The following TYW1 variants were observed in gnomAD, a reference collection of about 807,000 sequenced individuals.
TYW1 encodes the protein tRNA-yW synthesizing protein 1 homolog.
TYW1 carries 46 observed loss-of-function variants against 96.2 expected under a neutral mutation model. That is an observed-to-expected ratio of 0.48 (90% CI 0.38 to 0.61). The LOEUF is 0.61. Among genes scored for constraint, TYW1 ranks in the 20% least tolerant of loss-of-function variants. TYW1 has a pLI of 0.00. For synonymous variants in TYW1, 274 were observed against 323.0 expected (o/e 0.85, Z 1.63); for missense variants, 684 against 909.6 (o/e 0.75, Z 3.19).
chr7:67,117,949 T>C (rs1055468997), intron 13 of TYW1, among the ~76,000 whole-genome samples: 2 of 152,168 alleles, frequency 1.3e-5, no homozygotes, highest in South Asian at 2.1e-4. Context: ...TCCCCATAGA[T>C]ACCCAACCCG....
At chr7:67,111,142 A>T (rs556385517) in intron 12 of TYW1, among the ~76,000 whole-genome samples, 22 of 152,352 alleles carry the variant, frequency 1.4e-4, no homozygotes, top group African/African-American at 4.8e-4. Flanking sequence ...TGGACTTACT[A>T]GACAAAGATT....
rs1491143794 is a variant in TYW1 at position 67,166,332 on chromosome 7, A to ATATATATAATATATAACATATATT, written c.1699-16794_1699-16793insTATATATAATATATAACATATATT. ...TTTATATATAATATATAACATATAT[A>ATATATATAATATATAACATATATT]ATATATATAATATATAATTATATAT... On this transcript the variant is annotated intron_variant, in intron 13 of 15. Transcript: ENST00000359626. 4.1e-4 allele frequency among the ~76,000 whole-genome samples: 45 copies of ATATATATAATATATAACATATATT among 109,374 alleles called. 2 individuals carry two copies. The highest frequency in any genetic ancestry group is 4.9e-3 in the Middle Eastern group (1 of 206). The allele number at this position is 109,374 out of a possible 152,430, so 71.8% of individuals were successfully genotyped here.
chr7:67,228,034 G>A (rs1016834370), intron 15 of TYW1, among the ~76,000 whole-genome samples: 8 of 152,092 alleles, frequency 5.3e-5, no homozygotes, highest in African/African-American at 1.9e-4. Context: ...TCTAATCCTC[G>A]TTTCACAGTT....
At chr7:67,064,869 C>A (rs1459689144) in intron 9 of TYW1, among the ~76,000 whole-genome samples, 4 of 152,132 alleles carry the variant, frequency 2.6e-5, no homozygotes, top group Non-Finnish European at 2.9e-5. Flanking sequence ...AATAAAAGAC[C>A]CAAATACTGC....
intron 10 of TYW1, among the ~76,000 whole-genome samples, chr7:67,072,564 A>G (rs530456224): frequency 3.4e-4 from 51 of 152,150 alleles, no homozygotes; most frequent in African/African-American, 1.2e-3. Context: ...ACCCACTTTT[A>G]AAAAATTCTT....
At chr7:67,081,271 C>T (rs906046292) in intron 10 of TYW1, among the ~76,000 whole-genome samples, 1 of 146,128 alleles carries the variant, frequency 6.8e-6, no homozygotes, top group Non-Finnish European at 1.5e-5. Context: ...CCCATTCTCT[C>T]CTGGCCTGTG....
At chr7:67,068,537 G>A (rs1795941330) in intron 10 of TYW1, among the ~76,000 whole-genome samples, 1 of 152,212 alleles carries the variant, frequency 6.6e-6, no homozygotes, top group African/African-American at 2.4e-5. Context: ...GTTGGATTCA[G>A]AGATACCAGT....
chr7:67,071,055 C>T (rs1242965271), intron 10 of TYW1, among the ~76,000 whole-genome samples: 5 of 151,620 alleles, frequency 3.3e-5, no homozygotes, highest in African/African-American at 9.7e-5. Context: ...GGCGTGAACC[C>T]GGGAGGTGGA....
chr7:67,041,461 G>A (rs1377277584), intron 7 of TYW1, among the ~76,000 whole-genome samples: 2 of 151,950 alleles, frequency 1.3e-5, no homozygotes, highest in African/African-American at 4.8e-5. Flanking sequence ...CACCACGCCC[G>A]GCTAATTTTT....
intron 4 of TYW1, among the ~76,000 whole-genome samples, chr7:67,012,621 G>T (rs1299958962): frequency 6.6e-6 from 1 of 152,118 alleles, no homozygotes; most frequent in Non-Finnish European, 1.5e-5. Flanking sequence ...GGATACACAG[G>T]TTGAGAATCC....
At chr7:67,036,705 G>A (rs1192437089) in intron 7 of TYW1, among the ~76,000 whole-genome samples, 1 of 152,236 alleles carries the variant, frequency 6.6e-6, no homozygotes, top group African/African-American at 2.4e-5. Context: ...AGTTCTGCAG[G>A]AATAGTTTAG....
chr7:67,231,403 G>A (rs1182560084), intron 15 of TYW1, among the ~76,000 whole-genome samples: 1 of 152,124 alleles, frequency 6.6e-6, no homozygotes, highest in Non-Finnish European at 1.5e-5. Context: ...TGAGTGAAAT[G>A]TCTCTGGGAT....
intron 12 of TYW1, among the ~76,000 whole-genome samples, chr7:67,104,482 C>T (rs1402731042): frequency 6.6e-6 from 1 of 152,124 alleles, no homozygotes; most frequent in Non-Finnish European, 1.5e-5. Context: ...GGGGGACGTC[C>T]CCATCACCCA....
At chr7:67,006,977 T>TTA (rs1562962029) in intron 3 of TYW1, among the ~76,000 whole-genome samples, 1 of 113,142 alleles carries the variant, frequency 8.8e-6, no homozygotes, top group Non-Finnish European at 1.8e-5. Context: ...TTTTTTTTTT[T>TTA]AACAGCCATC....
At chr7:67,130,660 AACTC>A (rs1798043309) in intron 13 of TYW1, among the ~76,000 whole-genome samples, 1 of 148,034 alleles carries the variant, frequency 6.8e-6, no homozygotes, top group East Asian at 2.1e-4. Context: ...CGAGACTCTT[AACTC>A]AAAAAAAAAA....
intron 10 of TYW1, among the ~76,000 whole-genome samples, chr7:67,073,306 G>C (rs1796091510): frequency 6.6e-6 from 1 of 152,088 alleles, no homozygotes; most frequent in Non-Finnish European, 1.5e-5. Context: ...TATCTGGTGG[G>C]TAGAGGCTGG....
intron 13 of TYW1, among the ~76,000 whole-genome samples, chr7:67,140,583 A>G (rs1275433119): frequency 6.6e-6 from 1 of 150,668 alleles, no homozygotes; most frequent in Non-Finnish European, 1.5e-5. Flanking sequence ...AAATCCTTTA[A>G]TGAAATCCAC....
At chr7:67,005,354 G>T (rs541928766) in intron 3 of TYW1, among the ~76,000 whole-genome samples, 1 of 152,164 alleles carries the variant, frequency 6.6e-6, no homozygotes, top group Non-Finnish European at 1.5e-5. Flanking sequence ...CCAGCACTTT[G>T]GGAGGCCAAG....
chr7:67,172,355 A>G (rs1799541022), intron 13 of TYW1, among the ~76,000 whole-genome samples: 1 of 151,738 alleles, frequency 6.6e-6, no homozygotes, highest in Admixed American at 6.6e-5. Flanking sequence ...CATTAACTCC[A>G]TCCCAACTTT....
Sources: gnomAD v4.1 joint callset for allele counts (sites outside exome capture counted in the v4.1 genomes callset) on GRCh38, gnomAD v4.1.1 for gene constraint, MANE v1.5 for transcripts, NCBI Gene and HGNC (gene_info 2026-07-23, HGNC 2026-07-21) for gene names.